Variants in PTPRT observed in about 807,000 individuals in gnomAD.
PTPRT encodes receptor-type tyrosine-protein phosphatase T.
PTPRT carries 56 observed loss-of-function variants against 176.8 expected under a neutral mutation model. The observed-to-expected ratio is 0.32, with a 90% CI of 0.26 to 0.40. PTPRT has a LOEUF of 0.40. PTPRT is among the 10% of genes least tolerant of loss of function. The probability of loss-of-function intolerance (pLI) is 1.00; values close to 1 mark genes in which losing one functional copy is unlikely to be tolerated. For synonymous variants in PTPRT, 783 were observed against 739.0 expected, an observed-to-expected ratio of 1.06 and a Z score of -0.96; for missense variants, 1,540 against 1,908.2, an observed-to-expected ratio of 0.81 and a Z score of 3.60.
At chr20:42,698,878 T>TGAATGAAC (rs1555901149) in intron 6 of PTPRT, among the ~76,000 whole-genome samples, 2 of 152,076 alleles carry the variant, frequency 1.3e-5, no homozygotes, top group African/African-American at 4.8e-5. Context: ...AATGAATGAA[T>TGAATGAAC]GAACGAACAA....
chr20:43,039,423 T>C (rs1160477631), intron 1 of PTPRT, among the ~76,000 whole-genome samples: 1 of 150,200 alleles, frequency 6.7e-6, no homozygotes, highest in African/African-American at 2.4e-5. Flanking sequence ...ATGGTAAAGA[T>C]TTAAATTTAT....
chr20:42,811,285 C>T (rs763282043), intron 2 of PTPRT, among the ~76,000 whole-genome samples: 6 of 151,890 alleles, frequency 4.0e-5, no homozygotes, highest in Admixed American at 1.3e-4. Flanking sequence ...TACACAGAGA[C>T]AAAAGGACAG....
Position 42,480,011 on chromosome 20 carries a change from A to G in PTPRT, c.1154-7449T>C, listed in dbSNP as rs2071357586. On this transcript the variant is annotated intron_variant, in intron 7 of 30. Transcript: ENST00000373187. ...TGAAGCTGGAGCATGTCACCTTGTG[A>G]GAAGGCAACACGGTTGCTACCCTCC... 2.6e-5 allele frequency among the ~76,000 whole-genome samples: 4 copies of G among 152,220 alleles called. No homozygotes were observed. The South Asian group carries it at 8.3e-4, about 32-fold the overall frequency.
chr20:42,980,212 GA>G (rs1222842714), intron 1 of PTPRT, among the ~76,000 whole-genome samples: 1 of 151,972 alleles, frequency 6.6e-6, no homozygotes, highest in Non-Finnish European at 1.5e-5. Flanking sequence ...AAAGAAAGGA[GA>G]AAAAGAAAAA....
In PTPRT at chr20:42,106,838, A is replaced by G; in HGVS notation, c.3338T>C (p.Phe1113Ser). 6.2e-7 allele frequency: 1 copy of G among 1,614,152 alleles called. No homozygotes were observed. Among genetic ancestry groups the G allele is most frequent in the Non-Finnish European group, 8.5e-7 (1 of 1,180,030 alleles). ...MAENEGVVDI[F>S]NCVRELRAQR... ...GGCCCGGAGCTCACGCACGCAGTTGAAGATGTCCACCACCCCTTCATTCTC... is the reference window on the plus strand; with the variant it reads ...GGCCCGGAGCTCACGCACGCAGTTGGAGATGTCCACCACCCCTTCATTCTC... Residue 1113 changes from phenylalanine to serine, a missense_variant, in exon 24 of 31, where the codon TTC (phenylalanine) becomes TCC (serine). By Grantham distance (155) the Phe-to-Ser change is radical. Coordinates refer to ENST00000373187, the MANE Select transcript of PTPRT (RefSeq NM_007050.6).
At chr20:42,058,548 A>G in the PTPRT span, among the ~76,000 whole-genome samples, 1 of 152,184 alleles carries the variant, frequency 6.6e-6, no homozygotes, top group Non-Finnish European at 1.5e-5. Context: ...TCACCTTTCC[A>G]GCCCCTCCTT....
intron 14 of PTPRT, among the ~76,000 whole-genome samples, chr20:42,240,200 C>T (rs899960622): frequency 6.6e-6 from 1 of 152,226 alleles, no homozygotes; most frequent in East Asian, 1.9e-4. Flanking sequence ...AGCAGCAAGG[C>T]AACTCCAGGA....
intron 9 of PTPRT, among the ~76,000 whole-genome samples, chr20:42,367,128 T>A (rs2058525658): frequency 6.6e-6 from 1 of 152,342 alleles, no homozygotes; most frequent in South Asian, 2.1e-4. Flanking sequence ...GTGAACCTGA[T>A]TAACAATGTG....
At chr20:43,149,931 A>G (rs2014295112) in intron 1 of PTPRT, among the ~76,000 whole-genome samples, 1 of 152,240 alleles carries the variant, frequency 6.6e-6, no homozygotes, top group South Asian at 2.1e-4. Flanking sequence ...AAACGTGTGA[A>G]CATCCGTGAG....
At chr20:42,585,451 T>C (rs148503940) in intron 7 of PTPRT, among the ~76,000 whole-genome samples, 20 of 152,312 alleles carry the variant, frequency 1.3e-4, no homozygotes, top group African/African-American at 4.8e-4. Context: ...GTATATGCTA[T>C]TTTTTGACAT....
Position 42,286,241 on chromosome 20 carries a change from T to C in PTPRT, c.2140-3716A>G, listed in dbSNP as rs548235762. 1.4e-4 allele frequency among the ~76,000 whole-genome samples: 22 copies of C among 152,030 alleles called. No individual in the cohort carries two copies. In the South Asian group the frequency reaches 4.1e-3, roughly 29 times the overall value. ...AAATAGAAAGAAGTCCTAAAATTTG[T>C]ATGAAAACTCAAAAGACCGCAAATA... On this transcript the variant is annotated intron_variant, in intron 12 of 30. Coordinates refer to ENST00000373187, the MANE Select transcript of PTPRT (RefSeq NM_007050.6).
At chr20:42,538,950 C>A (rs2072526528) in intron 7 of PTPRT, among the ~76,000 whole-genome samples, 1 of 152,184 alleles carries the variant, frequency 6.6e-6, no homozygotes, top group Non-Finnish European at 1.5e-5. Flanking sequence ...GTTCAAATGT[C>A]ACCAATCCAT....
intron 1 of PTPRT, among the ~76,000 whole-genome samples, chr20:43,176,384 C>T (rs1349363630): frequency 8.5e-5 from 13 of 152,236 alleles, no homozygotes; most frequent in African/African-American, 2.7e-4. Context: ...TCACTGCAGC[C>T]GCAAACAGAC....
At chr20:42,180,769 A>G (rs1990483453) in intron 16 of PTPRT, among the ~76,000 whole-genome samples, 1 of 152,180 alleles carries the variant, frequency 6.6e-6, no homozygotes, top group African/African-American at 2.4e-5. Context: ...ATATCCTCTG[A>G]TTTTAAGACA....
At chr20:42,986,552 AG>A (rs958800205) in intron 1 of PTPRT, among the ~76,000 whole-genome samples, 1 of 152,126 alleles carries the variant, frequency 6.6e-6, no homozygotes, top group African/African-American at 2.4e-5. Context: ...TCTAGCCCTA[AG>A]GGTCATATGA....
At chr20:42,658,802 T>C (rs1444167634) in intron 7 of PTPRT, among the ~76,000 whole-genome samples, 3 of 152,218 alleles carry the variant, frequency 2.0e-5, no homozygotes, top group Non-Finnish European at 2.9e-5. Context: ...TATTCAATTC[T>C]ATTATATATT....
chr20:42,758,863 G>C (rs2076875142), intron 5 of PTPRT, among the ~76,000 whole-genome samples: 1 of 152,188 alleles, frequency 6.6e-6, no homozygotes. Flanking sequence ...ACCAGTACAA[G>C]GTAATGGAAG....
chr20:42,853,879 A>T (rs2078517891), intron 2 of PTPRT, among the ~76,000 whole-genome samples: 1 of 152,208 alleles, frequency 6.6e-6, no homozygotes, highest in African/African-American at 2.4e-5. Flanking sequence ...TGGGCTCCTA[A>T]AATACAGCAA....
the PTPRT span, among the ~76,000 whole-genome samples, chr20:42,052,630 G>A: frequency 6.6e-6 from 1 of 152,312 alleles, no homozygotes; most frequent in Admixed American, 6.5e-5. Context: ...CACCTCACCA[G>A]GAGTAGGGTT....
Sources: gnomAD v4.1 joint callset for allele counts (sites outside exome capture counted in the v4.1 genomes callset) on GRCh38, gnomAD v4.1.1 for gene constraint, MANE v1.5 for transcripts, NCBI Gene and HGNC (gene_info 2026-07-23, HGNC 2026-07-21) for gene names.